MTRF1: variants seen among roughly 807,000 people sequenced by gnomAD.
MTRF1 encodes the protein peptide chain release factor 1, mitochondrial.
In MTRF1, 51 loss-of-function variants were observed where a neutral mutation model predicts 62.9. The observed-to-expected ratio is 0.81, with a 90% CI of 0.65 to 1.02. The LOEUF (loss-of-function observed/expected upper bound fraction) is 1.02. Among genes scored for constraint, MTRF1 ranks in the 50% least tolerant of loss-of-function variants. MTRF1 has a pLI of 0.00. For missense variants in MTRF1, 446 were observed against 530.0 expected, an observed-to-expected ratio of 0.84 and a Z score of 1.56; for synonymous variants, 158 against 181.9, an observed-to-expected ratio of 0.87 and a Z score of 1.06.
At chr13:41,311,961 G>T in the MTRF1 span, among the ~76,000 whole-genome samples, 17 of 152,236 alleles carry the variant, frequency 1.1e-4, no homozygotes, top group Admixed American at 9.8e-4. Flanking sequence ...TATTTTGCCA[G>T]TCTCTCCTCG....
chr13:41,253,547 T>C (rs1337819095), intron 3 of MTRF1, among the ~76,000 whole-genome samples: 1 of 152,200 alleles, frequency 6.6e-6, no homozygotes, highest in Non-Finnish European at 1.5e-5. Context: ...GTTTCTCAGC[T>C]GTGACCAGAA....
intron 5 of MTRF1, among the ~76,000 whole-genome samples, chr13:41,249,498 G>A (rs1267969257): frequency 2.6e-5 from 4 of 151,422 alleles, no homozygotes; most frequent in Admixed American, 6.6e-5. Flanking sequence ...CTGATATCAC[G>A]CCACTGCACT....
At chr13:41,228,009 G>A (rs564241406) in intron 7 of MTRF1, among the ~76,000 whole-genome samples, 2 of 152,284 alleles carry the variant, frequency 1.3e-5, no homozygotes, top group Admixed American at 1.3e-4. Context: ...TCCATTTTAA[G>A]ACGGCCAGGC....
At chr13:41,253,552 C>G (rs1218303482) in intron 3 of MTRF1, among the ~76,000 whole-genome samples, 1 of 152,020 alleles carries the variant, frequency 6.6e-6, no homozygotes, top group Non-Finnish European at 1.5e-5. Flanking sequence ...TCAGCTGTGA[C>G]CAGAAAGAAA....
chr13:41,234,609 C>T (rs2036161667), intron 6 of MTRF1, among the ~76,000 whole-genome samples: 1 of 152,182 alleles, frequency 6.6e-6, no homozygotes, highest in Admixed American at 6.5e-5. Context: ...AAAATACACA[C>T]ATATATACTA....
chr13:41,226,556 T>G lies in MTRF1; in HGVS notation c.1001A>C (p.Glu334Ala), dbSNP rs772005272. 2 of 1,613,794 alleles carry G rather than the reference T, an allele frequency of 1.2e-6. No individual in the cohort carries two copies. The highest frequency in any genetic ancestry group is 1.1e-5 in the South Asian group (1 of 91,054). The change falls in exon 8 of 10, where the codon GAA becomes GCA. Residue 334 changes from glutamate to alanine, a missense_variant. By Grantham distance (107) the Glu-to-Ala change is moderately radical. Transcript: ENST00000379480. ...LVHIPTGLVV[E>A]CQQERSQIKN... ...TATCTGTGATCTTTCTTGTTGGCAT[T>G]CTACTACTAGCCCTGAAAAATAACA...
At chr13:41,230,178 A>G (rs1170059329) in intron 7 of MTRF1, among the ~76,000 whole-genome samples, 1 of 152,070 alleles carries the variant, frequency 6.6e-6, no homozygotes, top group East Asian at 1.9e-4. Context: ...AAGAATTTGA[A>G]AGGATGTATA....
the MTRF1 span, among the ~76,000 whole-genome samples, chr13:41,297,900 C>T: frequency 6.6e-6 from 1 of 152,030 alleles, no homozygotes; most frequent in Non-Finnish European, 1.5e-5. Flanking sequence ...AAACTGTTCA[C>T]TATTTAACAA....
At chr13:41,268,763 A>G in the MTRF1 span, among the ~76,000 whole-genome samples, 2 of 152,188 alleles carry the variant, frequency 1.3e-5, no homozygotes, top group South Asian at 4.1e-4. Flanking sequence ...TAAGAAAACT[A>G]TAATCTCCTG....
intron 8 of MTRF1, among the ~76,000 whole-genome samples, chr13:41,225,791 G>C (rs929849605): frequency 1.1e-3 from 141 of 133,274 alleles, no homozygotes; most frequent in African/African-American, 3.7e-3. Context: ...CCTGGTGACA[G>C]AGCGAGACTC....
At position 41,260,631 on chromosome 13, in the gene MTRF1, G is replaced by C. The variant is rs2040343906; in HGVS notation, c.277C>G (p.Leu93Val). The part of the protein sequence containing the change: ...SKEYQTLEQC[L>V]QHIPVNEENR... ...TCCTCATTCACAGGGATATGCTGCA[G>C]ACATTGCTCAAGTGTTTGGTACTCC... The change falls in exon 2 of 10, where the codon CTG becomes GTG. Residue 93 changes from leucine to valine, a missense_variant. Leu to Val is a conservative substitution (Grantham distance 32). Coordinates refer to ENST00000379480, the MANE Select transcript of MTRF1 (RefSeq NM_004294.4). The C allele has an allele frequency of 2.5e-6, 4 of 1,614,136 alleles. No homozygotes were observed. Among genetic ancestry groups the C allele is most frequent in the Non-Finnish European group, 3.4e-6 (4 of 1,180,008 alleles).
chr13:41,289,413 T>C, the MTRF1 span, among the ~76,000 whole-genome samples: 1 of 152,056 alleles, frequency 6.6e-6, no homozygotes, highest in Non-Finnish European at 1.5e-5. Context: ...AATTTTTGTA[T>C]TTTTAGTAGA....
intron 6 of MTRF1, among the ~76,000 whole-genome samples, chr13:41,237,879 G>C (rs139043466): frequency 6.6e-6 from 1 of 151,980 alleles, no homozygotes; most frequent in African/African-American, 2.4e-5. Flanking sequence ...TAGTAATGTC[G>C]ATATTATAAT....
chr13:41,232,894 C>CA (rs1290856080), intron 7 of MTRF1, among the ~76,000 whole-genome samples: 1 of 152,036 alleles, frequency 6.6e-6, no homozygotes, highest in Non-Finnish European at 1.5e-5. Flanking sequence ...TAAGCAGACT[C>CA]AGAGTCAAAG....
chr13:41,255,884 G>C (rs576215476), intron 2 of MTRF1, among the ~76,000 whole-genome samples: 1 of 152,252 alleles, frequency 6.6e-6, no homozygotes, highest in South Asian at 2.1e-4. Context: ...TGACTCCACT[G>C]CTTTAGAGGC....
chr13:41,258,102 T>C (rs1038762197), intron 2 of MTRF1, among the ~76,000 whole-genome samples: 1 of 152,188 alleles, frequency 6.6e-6, no homozygotes, highest in Non-Finnish European at 1.5e-5. Flanking sequence ...TTCTCAAAAC[T>C]AATTAACTAC....
the MTRF1 span, among the ~76,000 whole-genome samples, chr13:41,307,697 T>C: frequency 6.6e-6 from 1 of 152,136 alleles, no homozygotes; most frequent in African/African-American, 2.4e-5. Flanking sequence ...TGCTTCCCGT[T>C]TGCCTTCCAC....
the MTRF1 span, among the ~76,000 whole-genome samples, chr13:41,299,158 A>C: frequency 1.3e-5 from 2 of 151,030 alleles, no homozygotes; most frequent in African/African-American, 4.9e-5. Flanking sequence ...ATGCCACTGC[A>C]CTCCAGCCTG....
chr13:41,295,180 T>A, the MTRF1 span, among the ~76,000 whole-genome samples: 1 of 152,222 alleles, frequency 6.6e-6, no homozygotes, highest in Non-Finnish European at 1.5e-5. Flanking sequence ...ACTTTTGTTC[T>A]GGTTCTAACA....
Sources: gnomAD v4.1 joint callset for allele counts (sites outside exome capture counted in the v4.1 genomes callset) on GRCh38, gnomAD v4.1.1 for gene constraint, MANE v1.5 for transcripts, NCBI Gene and HGNC (gene_info 2026-07-23, HGNC 2026-07-21) for gene names.